Variants in COL4A2 observed in about 807,000 individuals in gnomAD.
COL4A2 encodes collagen type IV alpha 2 chain, also known as collagen alpha-2(IV) chain.
A neutral mutation model predicts 200.2 loss-of-function variants in COL4A2; 99 were observed. That is an observed-to-expected ratio of 0.49 (90% CI 0.42 to 0.58). COL4A2 has a LOEUF of 0.58. Among genes scored for constraint, COL4A2 ranks in the 20% least tolerant of loss-of-function variants. The pLI is 0.00. For missense variants in COL4A2, 1,950 were observed against 2,314.1 expected, an observed-to-expected ratio of 0.84 and a Z score of 3.23; for synonymous variants, 897 against 900.6, an observed-to-expected ratio of 1.00 and a Z score of 0.07.
intron 3 of COL4A2, among the ~76,000 whole-genome samples, chr13:110,349,173 A>G (rs147200999): frequency 1.3e-5 from 2 of 152,236 alleles, no homozygotes; most frequent in East Asian, 3.9e-4. Context: ...TAAATTGTTT[A>G]TGTGTTTTGT....
At chr13:110,479,471 C>T (rs1882820817) in intron 30 of COL4A2, among the ~76,000 whole-genome samples, 1 of 8,222 alleles carries the variant, frequency 1.2e-4, no homozygotes, top group Non-Finnish European at 3.4e-4. Context: ...CAGAATTGCC[C>T]AGGGAACACT....
intron 3 of COL4A2, among the ~76,000 whole-genome samples, chr13:110,347,938 C>T (rs1457038510): frequency 3.3e-5 from 5 of 152,228 alleles, no homozygotes; most frequent in African/African-American, 7.2e-5. Flanking sequence ...TATGTCTTGC[C>T]GCCGTGTTGA....
intron 4 of COL4A2, among the ~76,000 whole-genome samples, chr13:110,397,841 G>C (rs1395769736): frequency 6.6e-6 from 1 of 152,176 alleles, no homozygotes; most frequent in Non-Finnish European, 1.5e-5. Flanking sequence ...ATATTCACAA[G>C]TTTATTTATG....
intron 26 of COL4A2, among the ~76,000 whole-genome samples, chr13:110,466,569 A>T (rs1161798013): frequency 1.3e-5 from 2 of 152,232 alleles, no homozygotes; most frequent in East Asian, 3.8e-4. Context: ...GCCTTGATTT[A>T]ATTTTGCAAG....
At chr13:110,420,128 C>T (rs549647841) in intron 4 of COL4A2, among the ~76,000 whole-genome samples, 316 of 152,180 alleles carry the variant, frequency 2.1e-3, no homozygotes, top group Admixed American at 3.7e-3. Flanking sequence ...CAGGTGACGC[C>T]GACACAGACC....
intron 3 of COL4A2, among the ~76,000 whole-genome samples, chr13:110,341,657 G>A (rs893216374): frequency 6.6e-6 from 1 of 152,208 alleles, no homozygotes; most frequent in Non-Finnish European, 1.5e-5. Flanking sequence ...AGGGGATACC[G>A]GCTTTAAAGA....
Position 110,480,284 on chromosome 13 carries a change from T to C in COL4A2, c.2652T>C (p.Gly884=). The C allele has an allele frequency of 2.5e-6, 4 of 1,613,602 alleles. No individual in the cohort carries two copies. Among genetic ancestry groups the C allele is most frequent in the Non-Finnish European group, 3.4e-6 (4 of 1,179,732 alleles). The change falls in exon 31 of 48, where the codon GGT becomes GGC. Residue 884 remains glycine (G), a synonymous_variant. Transcript: ENST00000360467. ...CTCCTGGCCCTGTGGGCATGAAAGG[T>C]CTCTCTGGTGACAGAGGAGATGCTG... ...TGAPGPVGMK[G]LSGDRGDAGF... is the part of the protein sequence containing the mutation.
intron 28 of COL4A2, among the ~76,000 whole-genome samples, chr13:110,469,602 C>T (rs1230814297): frequency 1.3e-5 from 2 of 152,164 alleles, no homozygotes; most frequent in Non-Finnish European, 2.9e-5. Context: ...CCAGGTATGT[C>T]CTCAGTGTTA....
At chr13:110,341,893 A>G (rs895969955) in intron 3 of COL4A2, among the ~76,000 whole-genome samples, 1 of 152,234 alleles carries the variant, frequency 6.6e-6, no homozygotes, top group Admixed American at 6.5e-5. Context: ...TACTGGAGGA[A>G]GTCCGCGTTT....
Position 110,507,925 on chromosome 13 carries a change from C to G in COL4A2, c.4595-10C>G, listed in dbSNP as rs763547308. On this transcript the variant is annotated splice_polypyrimidine_tract_variant and intron_variant, in intron 46 of 47. Coordinates refer to ENST00000360467, the MANE Select transcript of COL4A2 (RefSeq NM_001846.4). ...ACTGCACTGTGATCTCATGACCCCT[C>G]CTTCCACAGGGCTGGCGGGCTCCTG... 2.5e-6 allele frequency: 4 copies of G among 1,612,210 alleles called. No homozygotes were observed. In the African/African-American group the frequency reaches 5.3e-5, roughly 22 times the overall value.
At chr13:110,384,107 G>A (rs1057492584) in intron 4 of COL4A2, among the ~76,000 whole-genome samples, 1 of 152,202 alleles carries the variant, frequency 6.6e-6, no homozygotes, top group African/African-American at 2.4e-5. Context: ...CAAAAGAGTG[G>A]TAGTGTGTTT....
At chr13:110,311,968 T>A (rs1264576592) in intron 3 of COL4A2, among the ~76,000 whole-genome samples, 1 of 152,208 alleles carries the variant, frequency 6.6e-6, no homozygotes, top group Non-Finnish European at 1.5e-5. Context: ...GGCCGGCAGC[T>A]GCGGTGGCAA....
intron 40 of COL4A2, among the ~76,000 whole-genome samples, chr13:110,500,029 T>C (rs1157278197): frequency 6.6e-6 from 1 of 152,252 alleles, no homozygotes; most frequent in Non-Finnish European, 1.5e-5. Context: ...GTCTGTGATT[T>C]GTGAGACAAG....
intron 27 of COL4A2, 131 bp downstream of exon 27, chr13:110,467,227 G>A: frequency 8.3e-7 from 1 of 1,202,570 alleles, no homozygotes; most frequent in Non-Finnish European, 1.1e-6. Flanking sequence ...CAGCATCTCA[G>A]CACAAACTGG....
chr13:110,505,164 C>T (rs569894970), intron 45 of COL4A2, among the ~76,000 whole-genome samples: 7 of 151,456 alleles, frequency 4.6e-5, no homozygotes, highest in Non-Finnish European at 1.0e-4. Flanking sequence ...TCCTGGCTAA[C>T]ACGGTGAAAC....
chr13:110,456,647 T>C (rs1278371170), intron 20 of COL4A2: 1 of 398,406 alleles, frequency 2.5e-6, no homozygotes, highest in Non-Finnish European at 5.1e-6. Flanking sequence ...GTTTATGAAA[T>C]TGGGTTTATG....
At chr13:110,384,824 T>C (rs1878621018) in intron 4 of COL4A2, among the ~76,000 whole-genome samples, 2 of 152,174 alleles carry the variant, frequency 1.3e-5, no homozygotes, top group African/African-American at 4.8e-5. Flanking sequence ...AGAGCAGACA[T>C]GTAGCAGCAC....
chr13:110,474,723 ACG>A, intron 29 of COL4A2, among the ~76,000 whole-genome samples: 1 of 140,310 alleles, frequency 7.1e-6, no homozygotes, highest in Non-Finnish European at 1.6e-5. Context: ...ATGATCACAC[ACG>A]CACGTACCCA....
At chr13:110,424,458 A>ATTATTTTTTTTTTTTTTTTTTTTTTTT (rs1333505285) in intron 4 of COL4A2, among the ~76,000 whole-genome samples, 1 of 147,116 alleles carries the variant, frequency 6.8e-6, no homozygotes, top group Non-Finnish European at 1.5e-5. Context: ...AAATAAGTTA[A>ATTATTTTTTTTTTTTTTTTTTTTTTTT]TTCTTTCATC....
Sources: allele counts gnomAD v4.1 joint callset (sites outside exome capture counted in the v4.1 genomes callset), GRCh38; gene constraint gnomAD v4.1.1; transcripts MANE v1.5; gene names NCBI Gene and HGNC (gene_info 2026-07-23, HGNC 2026-07-21).